NOL4L: variants seen among roughly 807,000 people sequenced by gnomAD.
NOL4L encodes nucleolar protein 4-like.
NOL4L carries 7 observed loss-of-function variants against 64.5 expected under a neutral mutation model. The ratio of observed to expected loss-of-function variants is 0.11; its 90% CI spans 0.06 to 0.20. The LOEUF (loss-of-function observed/expected upper bound fraction) is 0.20. Ranked by LOEUF, NOL4L falls within the 10% of genes least tolerant of loss-of-function variation. NOL4L has a pLI of 1.00. For synonymous variants in NOL4L, 413 were observed against 401.0 expected (o/e 1.03, Z -0.36); for missense variants, 680 against 967.1 (o/e 0.70, Z 3.94).
At chr20:32,565,790 C>T (rs994368519) in intron 1 of NOL4L, among the ~76,000 whole-genome samples, 3 of 152,174 alleles carry the variant, frequency 2.0e-5, no homozygotes, top group Admixed American at 1.3e-4. Context: ...CAGTGGCTCA[C>T]GCCTGTAATC....
At chr20:32,536,447 G>A (rs2145591436) in intron 1 of NOL4L, 1 of 353,052 alleles carries the variant, frequency 2.8e-6, no homozygotes, top group African/African-American at 2.2e-5. Flanking sequence ...CTGGGGCCGA[G>A]CTGGCCGCGC....
Position 32,503,291 on chromosome 20 carries a change from C to T in NOL4L, c.699+8056G>A, listed in dbSNP as rs771499910. On this transcript the variant is annotated intron_variant, in intron 4 of 10. Coordinates refer to ENST00000621426, the MANE Select transcript of NOL4L (RefSeq NM_001256798.2). ...GGTCGATGGCATTTCAGGCCTTTCC[C>T]GTGCTCTCATGGTGGCAGGTTAGGC... Among the ~76,000 whole-genome samples the T allele has an allele frequency of 5.9e-5, 9 of 152,192 alleles. No individual in the cohort carries two copies. The East Asian group carries it at 7.7e-4, about 13-fold the overall frequency.
At chr20:32,520,401 G>A (rs575052104) in intron 3 of NOL4L, 1 of 157,904 alleles carries the variant, frequency 6.3e-6, no homozygotes, top group African/African-American at 2.4e-5. Flanking sequence ...ACAGGTATGT[G>A]GGTGGGAGGA....
intron 4 of NOL4L, among the ~76,000 whole-genome samples, chr20:32,504,606 G>A (rs2017065146): frequency 6.7e-6 from 1 of 150,200 alleles, no homozygotes; most frequent in African/African-American, 2.4e-5. Flanking sequence ...CAAAACCTCT[G>A]CAGCTGCTTT....
At chr20:32,579,231 C>CG (rs1439837277) in intron 1 of NOL4L, among the ~76,000 whole-genome samples, 2 of 152,230 alleles carry the variant, frequency 1.3e-5, no homozygotes, top group Non-Finnish European at 2.9e-5. Flanking sequence ...GGAGCCTCTC[C>CG]ACCTGTGCCC....
At chr20:32,476,198 GACACACAC>G (rs1167969757) in intron 4 of NOL4L, among the ~76,000 whole-genome samples, 88 of 141,082 alleles carry the variant, frequency 6.2e-4, no homozygotes, top group African/African-American at 1.3e-3. Context: ...CACCCGGAGG[GACACACAC>G]ACACACACAC....
At chr20:32,507,325 G>T (rs1024366501) in intron 4 of NOL4L, among the ~76,000 whole-genome samples, 1 of 152,224 alleles carries the variant, frequency 6.6e-6, no homozygotes, top group East Asian at 1.9e-4. Flanking sequence ...TTAGGCTGGA[G>T]GTGCCGAGAG....
intron 1 of NOL4L, chr20:32,582,103 C>A (rs1051430311): frequency 6.6e-6 from 1 of 152,212 alleles, no homozygotes; most frequent in Admixed American, 6.5e-5. Flanking sequence ...TGCCTGGCTC[C>A]GGCTGGCTGG....
Position 32,488,859 on chromosome 20 carries a change from CTTTCTTTCTTTCTTTCTTTCT to C in NOL4L, c.700-14138_700-14118del, listed in dbSNP as rs1451171314. Among the ~76,000 whole-genome samples, 386 of 76,794 alleles carry C rather than the reference CTTTCTTTCTTTCTTTCTTTCT, an allele frequency of 5.0e-3. 6 individuals carry two copies. Among genetic ancestry groups the C allele is most frequent in the African/African-American group, 0.012 (180 of 14,408 alleles). The allele number at this position is 76,794 out of a possible 152,430, so 50.4% of individuals were successfully genotyped here. Reference sequence around the variant, plus strand: ...TCTTTCTTTCTTTCTTTCTTTCTTTCTTTCTTTCTTTCTTTCTTTCTTTCTTTCTTTCTTTCCTCTCTCTTT... The same window carrying C: ...TCTTTCTTTCTTTCTTTCTTTCTTTCTTCTTTCTTTCTTTCCTCTCTCTTT... On this transcript the variant is annotated intron_variant, in intron 4 of 10. Transcript: ENST00000621426.
At chr20:32,548,487 A>G (rs1416978233) in intron 1 of NOL4L, 1 of 154,618 alleles carries the variant, frequency 6.5e-6, no homozygotes, top group Admixed American at 6.5e-5. Flanking sequence ...CAGAAGTCGG[A>G]TAGATCATGT....
chr20:32,535,896 G>A (rs912370036), intron 1 of NOL4L: 17 of 985,350 alleles, frequency 1.7e-5, no homozygotes, highest in Non-Finnish European at 2.0e-5. Flanking sequence ...CAGCATCCCC[G>A]GACGGACAGG....
chr20:32,544,062 G>A (rs528315856), intron 1 of NOL4L, among the ~76,000 whole-genome samples: 2 of 152,232 alleles, frequency 1.3e-5, no homozygotes, highest in Admixed American at 6.5e-5. Context: ...ATGGGGTGGC[G>A]GCTGTATTCA....
chr20:32,497,056 CAAA>C (rs11167170), intron 4 of NOL4L, among the ~76,000 whole-genome samples: 2 of 76,796 alleles, frequency 2.6e-5, no homozygotes, highest in Admixed American at 1.5e-4. Context: ...CTCCTACCCT[CAAA>C]AAAAAAAAAA....
At chr20:32,476,234 C>CA (rs2015389156) in intron 4 of NOL4L, among the ~76,000 whole-genome samples, 1 of 151,732 alleles carries the variant, frequency 6.6e-6, no homozygotes, top group Non-Finnish European at 1.5e-5. Context: ...CACACACACA[C>CA]ACGTTCAAAA....
chr20:32,484,672 T>G (rs1028824543), intron 4 of NOL4L, among the ~76,000 whole-genome samples: 1 of 151,756 alleles, frequency 6.6e-6, no homozygotes, highest in Non-Finnish European at 1.5e-5. Flanking sequence ...TGTAAAGTAA[T>G]AGGATAATCT....
In NOL4L at chr20:32,490,128, C is replaced by CA. The variant is rs747449024; in HGVS notation, c.700-15387dup. On this transcript the variant is annotated intron_variant, in intron 4 of 10. Transcript: ENST00000621426. ...TGGGTGACAGAGAGAGACTCCATCT[C>CA]AAAAAAAAAAAAAAAAATATATATA... 3.7e-3 allele frequency among the ~76,000 whole-genome samples: 259 copies of CA among 69,084 alleles called. 2 individuals carry two copies. The highest frequency in any genetic ancestry group is 0.031 in the South Asian group (62 of 1,994). The allele number at this position is 69,084 out of a possible 152,430, so 45.3% of individuals were successfully genotyped here.
intron 1 of NOL4L, among the ~76,000 whole-genome samples, chr20:32,563,104 T>A (rs1009316628): frequency 5.3e-4 from 1 of 1,870 alleles, no homozygotes; most frequent in East Asian, 0.013. Flanking sequence ...GGAGGGAGGG[T>A]GGAGGCAGGG....
chr20:32,453,120 C>T lies in NOL4L; in HGVS notation c.1498-114G>A, dbSNP rs979901423. The T allele has an allele frequency of 2.0e-6, 3 of 1,477,904 alleles. No individual in the cohort carries two copies. The highest frequency in any genetic ancestry group is 2.8e-5 in the African/African-American group (2 of 71,852). The allele number at this position is 1,477,904 out of a possible 1,614,324, so 91.5% of individuals were successfully genotyped here. A position where few individuals can be genotyped will look rare whatever the true frequency, so the allele number is the denominator to read the frequency against. On this transcript the variant is annotated intron_variant, in intron 8 of 10. Transcript: ENST00000621426. This position sits in a 1 kb window ranked among gnomAD's most constrained non-coding sequence, Gnocchi z 5.6. ...GGGTGGGGTTTGGGCTCCAGCGCCT[C>T]AGTCTATGGAGCTGTGTGATCTTTC...
chr20:32,486,475 T>A (rs949327159), intron 4 of NOL4L, among the ~76,000 whole-genome samples: 2 of 152,184 alleles, frequency 1.3e-5, no homozygotes, highest in Non-Finnish European at 2.9e-5. Flanking sequence ...TATGCTCTGA[T>A]GGGGCTTTTT....
Sources: allele counts gnomAD v4.1 joint callset (sites outside exome capture counted in the v4.1 genomes callset), GRCh38; gene constraint gnomAD v4.1.1; non-coding constraint Gnocchi (gnomAD v3.1); transcripts MANE v1.5; gene names NCBI Gene and HGNC (gene_info 2026-07-23, HGNC 2026-07-21).